PRSS1: variants seen among roughly 807,000 people sequenced by gnomAD.
PRSS1 encodes the protein TCR V beta 4.1.
Under a neutral mutation model 24.2 loss-of-function variants are expected in PRSS1, and 22 were observed. That is an observed-to-expected ratio of 0.91 (90% CI 0.65 to 1.30). The LOEUF is 1.30. Ranked by LOEUF, PRSS1 falls within the 50% of genes most tolerant of loss-of-function variation. PRSS1 has a pLI of 0.00. For synonymous variants in PRSS1, 126 were observed against 116.1 expected (o/e 1.08, Z -0.55); for missense variants, 366 against 304.2 (o/e 1.20, Z -1.51).
chr7:142,750,097 C>T (rs1444128072), intron 1 of PRSS1, among the ~76,000 whole-genome samples: 3 of 151,998 alleles, frequency 2.0e-5, no homozygotes, highest in Non-Finnish European at 4.4e-5. Context: ...TCTGCCCTGA[C>T]TGCACAGATC....
At chr7:142,750,910 G>A in intron 2 of PRSS1, 196 bp downstream of exon 2, 1 of 852,990 alleles carries the variant, frequency 1.2e-6, no homozygotes, top group Middle Eastern at 2.1e-4. Flanking sequence ...GCAAATCCAT[G>A]AAACAGCAAG....
At position 142,752,568 on chromosome 7, in the gene PRSS1, G is replaced by A; in HGVS notation, c.591+1G>A. The A allele has an allele frequency of 6.2e-7, 1 of 1,614,172 alleles. No homozygotes were observed. The highest frequency in any genetic ancestry group is 8.5e-7 in the Non-Finnish European group (1 of 1,180,026). On this transcript the variant is annotated splice_donor_variant, in intron 4 of 4. Transcript: ENST00000311737. LOFTEE classifies it high-confidence loss of function. The stretch of plus-strand genomic sequence containing the variant: ...TGAGGGAGGCAAGGATTCATGTCAG[G>A]TGATTTGACCAACCCTTCCCATGCT...
intron 2 of PRSS1, 160 bp downstream of exon 2, chr7:142,750,874 A>G (rs3928914): frequency 1.9e-6 from 2 of 1,078,772 alleles, no homozygotes; most frequent in Non-Finnish European, 2.8e-6. Flanking sequence ...GAGAGTGAAC[A>G]CAAGACAGGA....
intron 4 of PRSS1, 83 bp downstream of exon 4, chr7:142,752,650 G>T (rs1213367331): frequency 3.5e-5 from 56 of 1,602,804 alleles, no homozygotes; most frequent in Admixed American, 5.0e-5. Context: ...CTCAAAAGGT[G>T]GTGGGGCTGA....
chr7:142,750,110 A>G (rs1230895694), intron 1 of PRSS1, among the ~76,000 whole-genome samples: 1 of 151,790 alleles, frequency 6.6e-6, no homozygotes, highest in Non-Finnish European at 1.5e-5. Context: ...CACAGATCTG[A>G]GCTATGGGGG....
rs370304987 is a variant in PRSS1, at chr7:142,752,837, C to T, written c.592-31C>T. 296 of 1,610,168 alleles carry T rather than the reference C, an allele frequency of 1.8e-4. 1 individual carries two copies. In the African/African-American group the frequency reaches 3.5e-3, roughly 19 times the overall value. On this transcript the variant is annotated intron_variant, in intron 4 of 4. Coordinates refer to ENST00000311737, the MANE Select transcript of PRSS1 (RefSeq NM_002769.5). ...ATGTAGCTATATTCCTCCTCCATCT[C>T]TCCATACAACTTGTCCCTTCTTCCC...
intron 2 of PRSS1, chr7:142,751,008 A>T (rs1370701611): frequency 2.0e-5 from 14 of 707,324 alleles, no homozygotes; most frequent in Non-Finnish European, 3.3e-5. Flanking sequence ...CTGGTTAGCT[A>T]CACATTAAAG....
chr7:142,752,067 C>T lies in PRSS1; in HGVS notation c.454+40C>T, dbSNP rs767024196. ...TAGTCCTTCTACTTCCCTCCATCCTCACAATTTCCAGAACAAACCATGCCC... is the reference window on the plus strand; with the variant it reads ...TAGTCCTTCTACTTCCCTCCATCCTTACAATTTCCAGAACAAACCATGCCC... On this transcript the variant is annotated intron_variant, in intron 3 of 4. Coordinates refer to ENST00000311737, the MANE Select transcript of PRSS1 (RefSeq NM_002769.5). 3.1e-6 allele frequency: 5 copies of T among 1,613,586 alleles called. No homozygotes were observed. The Admixed American group carries it at 6.7e-5, about 22-fold the overall frequency.
In PRSS1 at chr7:142,750,724, G is replaced by C; in HGVS notation, c.200+10G>C. ...GCCACTGCTACAAGTCGTAAGTGTG[G>C]GGCCCCCGACTGCAAAGCTCCCGGC... On this transcript the variant is annotated intron_variant, in intron 2 of 4. Coordinates refer to ENST00000311737, the MANE Select transcript of PRSS1 (RefSeq NM_002769.5). 1 of 1,613,842 alleles carries C rather than the reference G, an allele frequency of 6.2e-7. No homozygotes were observed. Among genetic ancestry groups the C allele is most frequent in the Non-Finnish European group, 8.5e-7 (1 of 1,179,824 alleles).
Position 142,752,016 on chromosome 7 carries a change from C to G in PRSS1, c.443C>G (p.Ala148Gly), listed in dbSNP as rs762545562. 13 of 1,561,682 alleles carry G rather than the reference C, an allele frequency of 8.3e-6. No homozygotes were observed. The highest frequency in any genetic ancestry group is 1.5e-5 in the African/African-American group (1 of 65,170). ...KCLISGWGNT[A>G]SSGADYPDEL... ...CTCATCTCTGGCTGGGGCAACACTGCGAGCTCTGGCGGTGAGTGGGACCCT... is the reference window on the plus strand; with the variant it reads ...CTCATCTCTGGCTGGGGCAACACTGGGAGCTCTGGCGGTGAGTGGGACCCT... The change falls in exon 3 of 5, where the codon GCG (alanine) becomes GGG (glycine). Residue 148 changes from alanine (A) to glycine (G), a missense_variant. Physicochemically the swap from Ala to Gly is moderately conservative, Grantham distance 60. Coordinates refer to ENST00000311737, the MANE Select transcript of PRSS1 (RefSeq NM_002769.5).
chr7:142,750,057 G>T (rs1403711326), intron 1 of PRSS1, among the ~76,000 whole-genome samples: 1 of 113,964 alleles, frequency 8.8e-6, no homozygotes, highest in East Asian at 2.1e-4. Flanking sequence ...CCTTTGTTCT[G>T]CCAAAGTGAG....
chr7:142,752,963 C>T lies in PRSS1; in HGVS notation c.687C>T (p.Tyr229=), dbSNP rs749438727. ...GCAQKNKPGV[Y]TKVYNYVKWI... is the part of the protein sequence containing the mutation. The stretch of plus-strand genomic sequence containing the variant: ...CCCAGAAGAACAAGCCTGGAGTCTA[C>T]ACCAAGGTCTACAACTATGTGAAAT... Residue 229 remains tyrosine, a synonymous_variant, in exon 5 of 5, where the codon TAC becomes TAT. Transcript: ENST00000311737. The T allele has an allele frequency of 3.7e-6, 6 of 1,613,754 alleles. No homozygotes were observed. In the South Asian group the frequency reaches 5.5e-5, roughly 15 times the overall value.
chr7:142,750,676 C>T lies in PRSS1; in HGVS notation c.162C>T (p.Asn54=), dbSNP rs148440491. 52 of 1,549,406 alleles carry T rather than the reference C, an allele frequency of 3.4e-5. No individual in the cohort carries two copies. The highest frequency in any genetic ancestry group is 1.7e-4 in the Middle Eastern group (1 of 5,768). Reference sequence around the variant, plus strand: ...ACTTCTGTGGTGGCTCCCTCATCAACGAACAGTGGGTGGTATCAGCAGGCC... The same window carrying T: ...ACTTCTGTGGTGGCTCCCTCATCAATGAACAGTGGGTGGTATCAGCAGGCC... ...GYHFCGGSLI[N]EQWVVSAGHC... The change falls in exon 2 of 5, where the codon AAC becomes AAT. Residue 54 remains asparagine, a synonymous_variant. Coordinates refer to ENST00000311737, the MANE Select transcript of PRSS1 (RefSeq NM_002769.5).
chr7:142,751,280 G>T (rs949587340), intron 2 of PRSS1: 6 of 604,806 alleles, frequency 9.9e-6, no homozygotes, highest in African/African-American at 1.9e-5. Context: ...AGTAGGTGGG[G>T]GTAAGGACCA....
In PRSS1 at chr7:142,751,760, G is replaced by A; in HGVS notation, c.201-14G>A. ...GTGGGAGAAGGTCTTCACCATGCCT[G>A]CCCTGCCCATCAGCCGCATCCAGGT... On this transcript the variant is annotated splice_polypyrimidine_tract_variant and intron_variant, in intron 2 of 4. Transcript: ENST00000311737. The A allele has an allele frequency of 6.2e-7, 1 of 1,614,142 alleles. No homozygotes were observed. Among genetic ancestry groups the A allele is most frequent in the Non-Finnish European group, 8.5e-7 (1 of 1,180,014 alleles).
At position 142,750,571 on chromosome 7, in the gene PRSS1, T is replaced by G; in HGVS notation, c.57T>G (p.Asp19Glu). Residue 19 changes from aspartate to glutamate, a missense_variant, in exon 2 of 5, where the codon GAT (aspartate) becomes GAG (glutamate). Transcript: ENST00000311737. ...CCACTCCAGTTGCTGCCCCCTTTGA[T>G]GATGATGACAAGATCGTTGGGGGCT... is the stretch of plus-strand genomic sequence containing the variant. ...FVAAALAAPF[D>E]DDDKIVGGYN... The G allele has an allele frequency of 6.2e-7, 1 of 1,614,042 alleles. No individual in the cohort carries two copies. Among genetic ancestry groups the G allele is most frequent in the Non-Finnish European group, 8.5e-7 (1 of 1,179,874 alleles).
intron 1 of PRSS1, among the ~76,000 whole-genome samples, chr7:142,749,956 G>A (rs534208140): frequency 6.6e-6 from 1 of 152,306 alleles, no homozygotes; most frequent in Non-Finnish European, 1.5e-5. Flanking sequence ...CTTGTGTTCT[G>A]GGCTTTTAAG....
rs745538166 is a variant in PRSS1, at chr7:142,750,565, C to G, written c.51C>G (p.Pro17=). The change falls in exon 2 of 5, where the codon CCC becomes CCG. Residue 17 remains proline (P), a synonymous_variant. Coordinates refer to ENST00000311737, the MANE Select transcript of PRSS1 (RefSeq NM_002769.5). ...CCATCTCCACTCCAGTTGCTGCCCC[C>G]TTTGATGATGATGACAAGATCGTTG... ...LTFVAAALAA[P]FDDDDKIVGG... The G allele has an allele frequency of 6.2e-7, 1 of 1,614,046 alleles. No homozygotes were observed. The highest frequency in any genetic ancestry group is 2.2e-5 in the East Asian group (1 of 44,890).
chr7:142,749,758 A>C (rs1798529212), intron 1 of PRSS1, among the ~76,000 whole-genome samples: 1 of 115,540 alleles, frequency 8.7e-6, no homozygotes, highest in African/African-American at 4.1e-5. Context: ...TGGTTGGAGA[A>C]GCTGGGAAGG....
Sources: gnomAD v4.1 joint callset for allele counts (sites outside exome capture counted in the v4.1 genomes callset) on GRCh38, gnomAD v4.1.1 for gene constraint, MANE v1.5 for transcripts, NCBI Gene and HGNC (gene_info 2026-07-23, HGNC 2026-07-21) for gene names.